The following COL25A1 variants were observed in gnomAD, a reference collection of about 807,000 sequenced individuals.
COL25A1 encodes collagen type XXV alpha 1 chain.
A neutral mutation model predicts 128.4 loss-of-function variants in COL25A1; 103 were observed. The ratio of observed to expected loss-of-function variants is 0.80; its 90% confidence interval spans 0.68 to 0.94. COL25A1 has a LOEUF of 0.94. Among genes scored for constraint, COL25A1 ranks in the 40% least tolerant of loss-of-function variants. COL25A1 has a pLI of 0.00. For missense variants in COL25A1, 745 were observed against 840.0 expected (o/e 0.89, Z 1.40); for synonymous variants, 279 against 277.2 (o/e 1.01, Z -0.06).
intron 20 of COL25A1, among the ~76,000 whole-genome samples, chr4:108,867,052 C>G (rs1738025415): frequency 6.6e-6 from 1 of 152,166 alleles, no homozygotes; most frequent in Non-Finnish European, 1.5e-5. Context: ...CTGGGTTCTT[C>G]ATAACAGTAA....
chr4:109,272,362 C>A lies in COL25A1; in HGVS notation c.367+28221G>T, dbSNP rs147466079. On this transcript the variant is annotated intron_variant, in intron 3 of 37. Transcript: ENST00000399132. ...TAAATGAACTGCCACTTGCTACATG[C>A]CATTATCTAAATATACCAACTTGTT... Among the ~76,000 whole-genome samples the A allele has an allele frequency of 2.6e-5, 4 of 152,268 alleles. No homozygotes were observed. The East Asian group carries it at 7.7e-4, about 29-fold the overall frequency.
chr4:108,896,779 A>T, intron 15 of COL25A1, 68 bp from the exon 16 acceptor site: 1 of 1,382,598 alleles, frequency 7.2e-7, no homozygotes, highest in African/African-American at 1.4e-5. Context: ...ATTTTTCATT[A>T]TTTTAAGCTT....
chr4:109,196,019 G>A (rs1776008656), intron 3 of COL25A1, among the ~76,000 whole-genome samples: 1 of 152,312 alleles, frequency 6.6e-6, no homozygotes, highest in East Asian at 1.9e-4. Flanking sequence ...AATAGCAACA[G>A]AAGCGAAGAA....
At chr4:109,277,280 A>G (rs1017673174) in intron 3 of COL25A1, among the ~76,000 whole-genome samples, 41 of 152,190 alleles carry the variant, frequency 2.7e-4, no homozygotes, top group Non-Finnish European at 1.8e-4. Flanking sequence ...ATGACCAGGT[A>G]TTTAACCAAA....
At chr4:108,997,494 C>T (rs962291623) in intron 6 of COL25A1, among the ~76,000 whole-genome samples, 2 of 152,186 alleles carry the variant, frequency 1.3e-5, no homozygotes, top group African/African-American at 2.4e-5. Context: ...AGCCTACCAA[C>T]CAAAAAAAGT....
At chr4:109,298,153 G>A (rs986976897) in intron 3 of COL25A1, among the ~76,000 whole-genome samples, 3 of 151,696 alleles carry the variant, frequency 2.0e-5, no homozygotes, top group South Asian at 2.1e-4. Flanking sequence ...CTTCAGTCAG[G>A]GTCATTGTGA....
At chr4:108,992,290 T>G (rs28538944) in intron 6 of COL25A1, among the ~76,000 whole-genome samples, 120,669 of 151,738 alleles carry the variant, frequency 0.8, 49,140 homozygotes, top group East Asian at 1. Flanking sequence ...GTCTTAGTGT[T>G]GAAGGCCATT....
chr4:109,063,206 A>C (rs547611745), intron 3 of COL25A1, among the ~76,000 whole-genome samples: 1 of 152,324 alleles, frequency 6.6e-6, no homozygotes, highest in Admixed American at 6.5e-5. Context: ...ATTTTAACTT[A>C]ACTTTAAAAA....
At chr4:109,027,894 A>G (rs998674017) in intron 5 of COL25A1, among the ~76,000 whole-genome samples, 2 of 152,166 alleles carry the variant, frequency 1.3e-5, no homozygotes, top group Non-Finnish European at 2.9e-5. Flanking sequence ...TGAACATGCT[A>G]AATTTGAGAT....
intron 31 of COL25A1, chr4:108,838,281 A>G: frequency 2.6e-6 from 2 of 780,086 alleles, no homozygotes; most frequent in East Asian, 2.7e-5. Flanking sequence ...CAGTTTTAGG[A>G]AACAGCAGAG....
chr4:109,042,690 A>G (rs1760036741), intron 5 of COL25A1, among the ~76,000 whole-genome samples: 1 of 152,102 alleles, frequency 6.6e-6, no homozygotes, highest in South Asian at 2.1e-4. Flanking sequence ...AAATATTATA[A>G]TAAGTAGGAA....
At chr4:109,070,389 C>G (rs969590042) in intron 3 of COL25A1, among the ~76,000 whole-genome samples, 1 of 151,300 alleles carries the variant, frequency 6.6e-6, no homozygotes, top group Admixed American at 6.6e-5. Flanking sequence ...AATCCCACAT[C>G]ATAAGCCCTT....
intron 3 of COL25A1, among the ~76,000 whole-genome samples, chr4:109,179,441 T>TA (rs1234409704): frequency 2.0e-5 from 3 of 152,386 alleles, no homozygotes; most frequent in Non-Finnish European, 4.4e-5. Context: ...TTCGTGATCC[T>TA]AAACACTTGC....
rs866472663 is a variant in COL25A1, at chr4:108,920,576, A to G, written c.735+2T>C. On this transcript the variant is annotated splice_donor_variant, in intron 12 of 37. Coordinates refer to ENST00000399132, the MANE Select transcript of COL25A1 (RefSeq NM_198721.4). LOFTEE classifies it high-confidence loss of function. ...TTCACAATATTGTTGTTTATACTCT[A>G]CCTTTTGTCCCGGAGGCCCTAGAGG... 5 of 1,602,334 alleles carry G rather than the reference A, an allele frequency of 3.1e-6. No individual in the cohort carries two copies. The highest frequency in any genetic ancestry group is 4.3e-6 in the Non-Finnish European group (5 of 1,171,766).
At chr4:108,931,577 C>T (rs973293144) in intron 11 of COL25A1, among the ~76,000 whole-genome samples, 2 of 152,180 alleles carry the variant, frequency 1.3e-5, no homozygotes, top group African/African-American at 4.8e-5. Flanking sequence ...GGAGACAGAA[C>T]CAGCTTCAAA....
chr4:109,014,619 T>G (rs1469132110), intron 5 of COL25A1, among the ~76,000 whole-genome samples: 1 of 152,228 alleles, frequency 6.6e-6, no homozygotes, highest in African/African-American at 2.4e-5. Context: ...TTTATGTTAG[T>G]GATAGAACAA....
At chr4:108,893,493 T>TA (rs1741765837) in intron 16 of COL25A1, among the ~76,000 whole-genome samples, 1 of 152,152 alleles carries the variant, frequency 6.6e-6, no homozygotes, top group Non-Finnish European at 1.5e-5. Flanking sequence ...ACCATGGTTG[T>TA]AGGCCAGACT....
intron 31 of COL25A1, chr4:108,834,519 A>G (rs948621250): frequency 1.3e-6 from 1 of 740,866 alleles, no homozygotes; most frequent in Non-Finnish European, 2.3e-6. Context: ...GGGTTCTGGG[A>G]TGAATATCAC....
intron 8 of COL25A1, among the ~76,000 whole-genome samples, chr4:108,947,473 A>C (rs545153356): frequency 6.6e-6 from 1 of 152,038 alleles, no homozygotes; most frequent in African/African-American, 2.4e-5. Flanking sequence ...AAGAAAGAAA[A>C]GAAAGAAAGA....
Sources: allele counts gnomAD v4.1 joint callset (sites outside exome capture counted in the v4.1 genomes callset), GRCh38; gene constraint gnomAD v4.1.1; transcripts MANE v1.5; gene names NCBI Gene and HGNC (gene_info 2026-07-23, HGNC 2026-07-21).